KCNIP1: variants seen among roughly 807,000 people sequenced by gnomAD.
KCNIP1 encodes potassium voltage-gated channel interacting protein 1.
Under a neutral mutation model 33.0 loss-of-function variants are expected in KCNIP1, and 18 were observed. That is an observed-to-expected ratio of 0.55 (90% CI 0.38 to 0.81). The LOEUF is 0.81. Among genes scored for constraint, KCNIP1 ranks in the 30% least tolerant of loss-of-function variants. KCNIP1 has a pLI of 0.00. For synonymous variants in KCNIP1, 93 were observed against 98.3 expected, an observed-to-expected ratio of 0.95 and a Z score of 0.32; for missense variants, 238 against 271.6, an observed-to-expected ratio of 0.88 and a Z score of 0.87.
chr5:170,528,982 T>C (rs140124752), intron 1 of KCNIP1, among the ~76,000 whole-genome samples: 3 of 152,158 alleles, frequency 2.0e-5, no homozygotes, highest in African/African-American at 7.2e-5. Context: ...ATAGTCTCTT[T>C]GTCAGATAAA....
chr5:170,625,523 T>C (rs1344532109), intron 1 of KCNIP1, among the ~76,000 whole-genome samples: 1 of 152,144 alleles, frequency 6.6e-6, no homozygotes, highest in South Asian at 2.1e-4. Context: ...GGAGAAAAAT[T>C]CACAGTGCTA....
intron 1 of KCNIP1, among the ~76,000 whole-genome samples, chr5:170,472,733 T>C (rs932761769): frequency 6.6e-5 from 10 of 152,302 alleles, no homozygotes; most frequent in East Asian, 3.9e-4. Flanking sequence ...TCCAATCTCA[T>C]CCAGGTCACT....
intron 5 of KCNIP1, among the ~76,000 whole-genome samples, chr5:170,723,286 G>A (rs1271933465): frequency 6.6e-6 from 1 of 152,144 alleles, no homozygotes; most frequent in East Asian, 1.9e-4. Context: ...ACCGCCAAGG[G>A]GGTAATGGAA....
At chr5:170,406,409 G>T (rs901291841) in intron 1 of KCNIP1, among the ~76,000 whole-genome samples, 1 of 152,260 alleles carries the variant, frequency 6.6e-6, no homozygotes, top group Middle Eastern at 3.4e-3. Flanking sequence ...GTGTAAATGT[G>T]GCCAAGTTAC....
Position 170,508,005 on chromosome 5 carries a change from T to C in KCNIP1, c.61+3372T>C, listed in dbSNP as rs536634867. On this transcript the variant is annotated intron_variant, in intron 1 of 7. Transcript: ENST00000328939. ...GACACTGCTCCTGGCCTTGAATGGG[T>C]AAGTGAGACAGGCTAGGGCATTGAG... Among the ~76,000 whole-genome samples the C allele has an allele frequency of 2.6e-5, 4 of 152,246 alleles. No homozygotes were observed. The East Asian group carries it at 7.7e-4, about 29-fold the overall frequency.
chr5:170,633,921 A>G (rs1293320251), intron 1 of KCNIP1, among the ~76,000 whole-genome samples: 1 of 152,180 alleles, frequency 6.6e-6, no homozygotes, highest in Non-Finnish European at 1.5e-5. Context: ...TGTCAGGGCC[A>G]AGGGCAGAGT....
intron 1 of KCNIP1, among the ~76,000 whole-genome samples, chr5:170,388,863 C>G (rs1180781909): frequency 2.0e-5 from 3 of 152,216 alleles, no homozygotes; most frequent in African/African-American, 7.2e-5. Flanking sequence ...CAAATCAGCC[C>G]CCAGTAAATA....
At chr5:170,359,746 C>T (rs187082621) in intron 1 of KCNIP1, among the ~76,000 whole-genome samples, 114 of 152,286 alleles carry the variant, frequency 7.5e-4, no homozygotes, top group African/African-American at 2.6e-3. Context: ...CTGGCCTCAC[C>T]ACCCTTGCCC....
intron 1 of KCNIP1, among the ~76,000 whole-genome samples, chr5:170,463,344 C>T (rs1357414833): frequency 2.0e-5 from 3 of 151,960 alleles, no homozygotes; most frequent in African/African-American, 7.2e-5. Context: ...CAGTATTATC[C>T]CATTACCAAA....
rs73800634 is a variant in KCNIP1 at position 170,359,257 on chromosome 5, G to C, written c.88+5293G>C. On this transcript the variant is annotated intron_variant, in intron 1 of 7. Coordinates refer to the KCNIP1 transcript ENST00000377360. Reference sequence around the variant, plus strand: ...TTCTTACAGGCCAAGTGTGAGAAGTGTTCTTGGGTGTGGGAAAATACACAC... The same window carrying C: ...TTCTTACAGGCCAAGTGTGAGAAGTCTTCTTGGGTGTGGGAAAATACACAC... Among the ~76,000 whole-genome samples the C allele has an allele frequency of 2.2e-3, 342 of 152,308 alleles. 2 individuals are homozygous for C. The highest frequency in any genetic ancestry group is 7.7e-3 in the African/African-American group (322 of 41,552).
upstream of KCNIP1, among the ~76,000 whole-genome samples, chr5:170,502,559 G>A (rs1011491079): frequency 6.6e-6 from 1 of 152,178 alleles, no homozygotes; most frequent in Admixed American, 6.5e-5. Context: ...CCACCTTCGT[G>A]GGGGGCAACT....
chr5:170,530,014 A>C (rs1755727080), intron 1 of KCNIP1, among the ~76,000 whole-genome samples: 2 of 152,254 alleles, frequency 1.3e-5, no homozygotes, highest in South Asian at 4.1e-4. Flanking sequence ...CCCAGGATTA[A>C]ATCTGAGCAA....
At chr5:170,564,992 C>T (rs1757156755) in intron 1 of KCNIP1, among the ~76,000 whole-genome samples, 1 of 152,054 alleles carries the variant, frequency 6.6e-6, no homozygotes, top group Non-Finnish European at 1.5e-5. Flanking sequence ...GGCCCCAAGT[C>T]CTGTGCCCTT....
intron 1 of KCNIP1, among the ~76,000 whole-genome samples, chr5:170,685,787 G>A (rs1224474180): frequency 6.6e-6 from 1 of 152,076 alleles, no homozygotes; most frequent in East Asian, 1.9e-4. Context: ...CTGCCCAGCC[G>A]ATAAACTTTA....
chr5:170,583,774 G>A lies in KCNIP1; in HGVS notation c.61+79141G>A, dbSNP rs377440181. 7.2e-5 allele frequency among the ~76,000 whole-genome samples: 11 copies of A among 152,162 alleles called. No individual in the cohort carries two copies. In the South Asian group the frequency reaches 2.1e-3, roughly 29 times the overall value. ...GTGAGAAACTCCAGAAATATTTTCCGGCAGTGTTTCTTCTTTATCTCTGTC... is the reference window on the plus strand; with the variant it reads ...GTGAGAAACTCCAGAAATATTTTCCAGCAGTGTTTCTTCTTTATCTCTGTC... On this transcript the variant is annotated intron_variant, in intron 1 of 7. Coordinates refer to ENST00000328939, the MANE Select transcript of KCNIP1 (RefSeq NM_014592.4).
At chr5:170,653,451 G>A (rs1391133070) in intron 1 of KCNIP1, among the ~76,000 whole-genome samples, 5 of 152,120 alleles carry the variant, frequency 3.3e-5, no homozygotes, top group African/African-American at 9.7e-5. Flanking sequence ...TACCTCTGGG[G>A]TTGAAACTTG....
At chr5:170,611,612 G>T (rs1759156691) in intron 1 of KCNIP1, among the ~76,000 whole-genome samples, 1 of 152,166 alleles carries the variant, frequency 6.6e-6, no homozygotes, top group East Asian at 1.9e-4. Context: ...GGAGTCCATA[G>T]CCTTGGCTGC....
chr5:170,454,612 A>T (rs1444002704), intron 1 of KCNIP1, among the ~76,000 whole-genome samples: 1 of 152,236 alleles, frequency 6.6e-6, no homozygotes, highest in Non-Finnish European at 1.5e-5. Context: ...ATCATATGAA[A>T]AGACATTAAA....
intron 1 of KCNIP1, among the ~76,000 whole-genome samples, chr5:170,666,275 G>T (rs1163286111): frequency 6.6e-6 from 1 of 152,076 alleles, no homozygotes; most frequent in Admixed American, 6.5e-5. Context: ...TGGGGCTCTT[G>T]CAGTTGGCTC....
Sources: allele counts gnomAD v4.1 joint callset (sites outside exome capture counted in the v4.1 genomes callset), GRCh38; gene constraint gnomAD v4.1.1; transcripts MANE v1.5; gene names NCBI Gene and HGNC (gene_info 2026-07-23, HGNC 2026-07-21).